The following MORC1 variants were observed in gnomAD, a reference collection of about 807,000 sequenced individuals.
MORC1 encodes MORC family CW-type zinc finger 1, also known as MORC family CW-type zinc finger protein 1.
A neutral mutation model predicts 134.9 loss-of-function variants in MORC1; 59 were observed. The ratio of observed to expected loss-of-function variants is 0.44; its 90% confidence interval spans 0.35 to 0.54. The LOEUF (loss-of-function observed/expected upper bound fraction) is 0.54. Among genes scored for constraint, MORC1 ranks in the 20% least tolerant of loss-of-function variants. The probability of loss-of-function intolerance (pLI) is 0.00; values close to 1 mark genes in which losing one functional copy is unlikely to be tolerated. For missense variants in MORC1, 947 were observed against 1,134.5 expected, an observed-to-expected ratio of 0.83 and a Z score of 2.37; for synonymous variants, 395 against 391.7, an observed-to-expected ratio of 1.01 and a Z score of -0.10.
Position 109,059,838 on chromosome 3 carries a change from T to C in MORC1, c.999A>G (p.Glu333=), listed in dbSNP as rs772164841. Residue 333 remains glutamate (E), a synonymous_variant, in exon 12 of 28, where the codon GAA becomes GAG. Coordinates refer to ENST00000232603, the MANE Select transcript of MORC1 (RefSeq NM_014429.4). ...DVLQRALEDV[E]AKQKNLKEKQ... Reference sequence around the variant, plus strand: ...TCTCTTTAAGATTCTTTTGCTTTGCTTCTACATCTTCCAAAGCTCTCTGTA... The same window carrying C: ...TCTCTTTAAGATTCTTTTGCTTTGCCTCTACATCTTCCAAAGCTCTCTGTA... 1.4e-5 allele frequency: 22 copies of C among 1,612,750 alleles called. No homozygotes were observed. Among genetic ancestry groups the C allele is most frequent in the Non-Finnish European group, 1.3e-5 (15 of 1,179,380 alleles).
Position 108,958,970 on chromosome 3 carries a change from T to G in MORC1, c.2950A>C (p.Asn984His). ...AAGGTAATACCATCTCTGACTTAATTTTCCGAAGTCTTTTCATTTTTTTCT... is the reference window on the plus strand; with the variant it reads ...AAGGTAATACCATCTCTGACTTAATGTTCCGAAGTCTTTTCATTTTTTTCT... ...PLEKNEKTSE[N>H] The change falls in exon 28 of 28, where the codon AAT becomes CAT. Residue 984 changes from asparagine to histidine, a missense_variant. Asn to His is a moderately conservative substitution (Grantham distance 68). Coordinates refer to ENST00000232603, the MANE Select transcript of MORC1 (RefSeq NM_014429.4). 1.3e-6 allele frequency: 2 copies of G among 1,492,434 alleles called. No homozygotes were observed. The highest frequency in any genetic ancestry group is 5.1e-5 in the East Asian group (2 of 38,922). The allele number at this position is 1,492,434 out of a possible 1,614,324, so 92.4% of individuals were successfully genotyped here.
Position 108,986,875 on chromosome 3 carries a change from T to G in MORC1, c.2257+5A>C, listed in dbSNP as rs914441626. 1.3e-6 allele frequency: 2 copies of G among 1,549,166 alleles called. No individual in the cohort carries two copies. The highest frequency in any genetic ancestry group is 1.7e-6 in the Non-Finnish European group (2 of 1,147,906). The stretch of plus-strand genomic sequence containing the variant: ...ATATATATACATGAGCTGATTTTTT[T>G]TTACCTTGGTTTAAAAGAGGAATTT... On this transcript the variant is annotated splice_donor_5th_base_variant and intron_variant, in intron 22 of 27. Transcript: ENST00000232603.
At chr3:109,086,692 C>A (rs1039483398) in intron 8 of MORC1, among the ~76,000 whole-genome samples, 1 of 151,962 alleles carries the variant, frequency 6.6e-6, no homozygotes, top group African/African-American at 2.4e-5. Context: ...AAATTAAAAT[C>A]AACCTGAATG....
chr3:109,040,594 C>G (rs1169851302), intron 14 of MORC1, among the ~76,000 whole-genome samples: 3 of 151,660 alleles, frequency 2.0e-5, no homozygotes, highest in Non-Finnish European at 4.4e-5. Flanking sequence ...CTGTGGGAAG[C>G]TGAGGCAGGT....
rs1228292271 is a variant in MORC1, at chr3:109,007,057, G to C, written c.1739C>G (p.Thr580Ser). Residue 580 changes from threonine to serine, a missense_variant, in exon 18 of 28, where the codon ACT becomes AGT. Coordinates refer to ENST00000232603, the MANE Select transcript of MORC1 (RefSeq NM_014429.4). Reference sequence around the variant, plus strand: ...ATGTGCTGAAGTTAGGCAGGTGGAAGTGACAGTGATTTCGTCCACTGGTAT... The same window carrying C: ...ATGTGCTGAAGTTAGGCAGGTGGAACTGACAGTGATTTCGTCCACTGGTAT... ...QFIPVDEITV[T>S]STCLTSAHKE... 8 of 1,612,720 alleles carry C rather than the reference G, an allele frequency of 5.0e-6. No homozygotes were observed. The highest frequency in any genetic ancestry group is 5.9e-6 in the Non-Finnish European group (7 of 1,179,372).
chr3:109,086,792 G>A (rs1950623403), intron 8 of MORC1, among the ~76,000 whole-genome samples: 1 of 152,040 alleles, frequency 6.6e-6, no homozygotes, highest in Non-Finnish European at 1.5e-5. Flanking sequence ...TAATTTTTCA[G>A]ATGTTGGTAA....
chr3:109,078,562 A>G (rs1025394180), intron 8 of MORC1, among the ~76,000 whole-genome samples: 1 of 151,916 alleles, frequency 6.6e-6, no homozygotes, highest in Non-Finnish European at 1.5e-5. Flanking sequence ...CGCAGAGGAG[A>G]AATAAGAACC....
intron 8 of MORC1, 35 bp downstream of exon 8, chr3:109,093,401 A>G (rs1461515883): frequency 4.6e-6 from 7 of 1,530,602 alleles, no homozygotes; most frequent in Non-Finnish European, 6.3e-6. Context: ...GCTCACCACC[A>G]TTGTTGAAAA....
rs142587987 is a variant in MORC1 at position 109,028,874 on chromosome 3, G to A, written c.1566-985C>T. On this transcript the variant is annotated intron_variant, in intron 16 of 27. Transcript: ENST00000232603. ...CGTAAGACGCTGAGGTCAGTTCTTC[G>A]AGCCCACTCTAGGTCACAGAGTTTT... is the stretch of plus-strand genomic sequence containing the variant. Among the ~76,000 whole-genome samples the A allele has an allele frequency of 1.9e-3, 286 of 152,246 alleles. 3 individuals are homozygous for A. The highest frequency in any genetic ancestry group is 6.1e-3 in the African/African-American group (253 of 41,540).
chr3:109,103,593 C>T (rs1454274710), intron 4 of MORC1, among the ~76,000 whole-genome samples: 1 of 152,282 alleles, frequency 6.6e-6, no homozygotes, highest in African/African-American at 2.4e-5. Flanking sequence ...TTATTTCTTA[C>T]AATCAGTAAC....
chr3:109,039,163 G>A (rs13064802), intron 14 of MORC1, among the ~76,000 whole-genome samples: 3,483 of 152,214 alleles, frequency 0.023, 65 homozygotes, highest in Middle Eastern at 0.11. Flanking sequence ...TGATCCACCC[G>A]CCTCAGCCTC....
chr3:109,010,054 C>A (rs1428820119), intron 17 of MORC1, among the ~76,000 whole-genome samples: 1 of 152,158 alleles, frequency 6.6e-6, no homozygotes, highest in Non-Finnish European at 1.5e-5. Flanking sequence ...CAGGGGACAG[C>A]AAACTTTTTC....
chr3:109,043,863 A>G (rs992198508), intron 14 of MORC1, among the ~76,000 whole-genome samples: 1 of 152,230 alleles, frequency 6.6e-6, no homozygotes, highest in African/African-American at 2.4e-5. Context: ...TCCAAAAAAC[A>G]TTAACCAAAA....
At chr3:108,971,652 A>G (rs1217108509) in intron 24 of MORC1, among the ~76,000 whole-genome samples, 1 of 152,214 alleles carries the variant, frequency 6.6e-6, no homozygotes, top group African/African-American at 2.4e-5. Flanking sequence ...ACTGGTCTGT[A>G]TCTTGACTGC....
chr3:109,054,519 C>T (rs1231614593), intron 14 of MORC1, among the ~76,000 whole-genome samples: 2 of 152,154 alleles, frequency 1.3e-5, no homozygotes, highest in Non-Finnish European at 2.9e-5. Flanking sequence ...CATTCCCTTG[C>T]AATTTCTAAT....
chr3:109,010,329 T>G (rs185954852), intron 17 of MORC1, among the ~76,000 whole-genome samples: 1 of 152,328 alleles, frequency 6.6e-6, no homozygotes, highest in Admixed American at 6.5e-5. Flanking sequence ...TTCTTCTGTT[T>G]AAGTTCTGCA....
intron 21 of MORC1, among the ~76,000 whole-genome samples, chr3:108,995,295 A>G (rs1334639482): frequency 1.3e-5 from 2 of 152,228 alleles, no homozygotes; most frequent in Non-Finnish European, 1.5e-5. Context: ...GCATACCTAT[A>G]AAAGGTGTGA....
At chr3:108,965,490 A>G (rs1014074815) in intron 26 of MORC1, among the ~76,000 whole-genome samples, 3 of 152,164 alleles carry the variant, frequency 2.0e-5, no homozygotes, top group African/African-American at 7.2e-5. Context: ...CAGGAGTTAG[A>G]GGTAATTGTG....
chr3:108,999,451 T>C (rs1948332170), intron 21 of MORC1, among the ~76,000 whole-genome samples: 1 of 152,136 alleles, frequency 6.6e-6, no homozygotes, highest in Admixed American at 6.5e-5. Flanking sequence ...TTTTCCAAAA[T>C]GAAAAAATTT....
Sources: gnomAD v4.1 joint callset for allele counts (sites outside exome capture counted in the v4.1 genomes callset) on GRCh38, gnomAD v4.1.1 for gene constraint, MANE v1.5 for transcripts, NCBI Gene and HGNC (gene_info 2026-07-23, HGNC 2026-07-21) for gene names.